Variants in CXCL13 observed in about 807,000 individuals in gnomAD.
CXCL13 encodes C-X-C motif chemokine 13.
CXCL13 carries 7 observed loss-of-function variants against 12.2 expected under a neutral mutation model. The observed-to-expected ratio is 0.57, with a 90% confidence interval of 0.33 to 1.07. CXCL13 has a LOEUF of 1.07. Among genes scored for constraint, CXCL13 ranks in the 50% least tolerant of loss-of-function variants. The pLI is 0.04. For missense variants in CXCL13, 113 were observed against 127.4 expected (o/e 0.89, Z 0.55); for synonymous variants, 47 against 42.4 (o/e 1.11, Z -0.42).
chr4:77,547,889 G>T (rs568051499), intron 1 of CXCL13, among the ~76,000 whole-genome samples: 65 of 152,154 alleles, frequency 4.3e-4, no homozygotes, highest in Non-Finnish European at 8.1e-4. Context: ...CCTTTCCATG[G>T]TTAGTGCTTC....
chr4:77,599,043 A>C (rs185397559), intron 1 of CXCL13, among the ~76,000 whole-genome samples: 1 of 152,264 alleles, frequency 6.6e-6, no homozygotes, highest in Admixed American at 6.5e-5. Flanking sequence ...TCCTGACCTC[A>C]GGTGATCCAC....
In CXCL13 at chr4:77,591,449, G is replaced by A. The variant is rs1005104893; in HGVS notation, c.-42-14375G>A. Among the ~76,000 whole-genome samples the A allele has an allele frequency of 2.0e-5, 3 of 150,976 alleles. No homozygotes were observed. The East Asian group carries it at 5.9e-4, about 29-fold the overall frequency. ...ACCAGTAGTCCCAGCTACTCGGGAG[G>A]CTGAGGCAGGAGAATGGCCTGAACT... On this transcript the variant is annotated intron_variant, in intron 1 of 4. Coordinates refer to the CXCL13 transcript ENST00000286758.
At chr4:77,545,625 T>G (rs1045466103) in intron 1 of CXCL13, among the ~76,000 whole-genome samples, 3 of 152,222 alleles carry the variant, frequency 2.0e-5, no homozygotes, top group Admixed American at 6.5e-5. Context: ...TGAAGTTGCT[T>G]ATCAGCTTAA....
intron 1 of CXCL13, among the ~76,000 whole-genome samples, chr4:77,557,932 C>T (rs1384342333): frequency 6.6e-6 from 1 of 152,214 alleles, no homozygotes; most frequent in Non-Finnish European, 1.5e-5. Flanking sequence ...ATTTACCTTA[C>T]TGAGTGTGAG....
At chr4:77,566,029 C>T (rs1725918410) in intron 1 of CXCL13, among the ~76,000 whole-genome samples, 2 of 152,194 alleles carry the variant, frequency 1.3e-5, no homozygotes, top group Non-Finnish European at 1.5e-5. Flanking sequence ...CTCACATGCT[C>T]TTCAAAATCT....
intron 1 of CXCL13, among the ~76,000 whole-genome samples, chr4:77,514,738 T>G (rs1325021376): frequency 2.0e-5 from 3 of 152,230 alleles, no homozygotes; most frequent in African/African-American, 7.2e-5. Context: ...TGCGAAAATT[T>G]TCTCCCATTT....
chr4:77,571,961 G>T (rs748487496), intron 1 of CXCL13, among the ~76,000 whole-genome samples: 13 of 151,404 alleles, frequency 8.6e-5, no homozygotes, highest in Non-Finnish European at 1.6e-4. Context: ...CACTGCGAAG[G>T]TCTGCAGCTT....
intron 1 of CXCL13, among the ~76,000 whole-genome samples, chr4:77,520,633 T>C (rs1026989270): frequency 1.3e-5 from 2 of 152,194 alleles, no homozygotes; most frequent in African/African-American, 4.8e-5. Flanking sequence ...AATGGGGTTT[T>C]CTAAATATAC....
At chr4:77,596,475 A>T (rs2109833483) in intron 1 of CXCL13, among the ~76,000 whole-genome samples, 1 of 152,254 alleles carries the variant, frequency 6.6e-6, no homozygotes. Flanking sequence ...CTGTGTATAC[A>T]CCCAAACAAA....
chr4:77,573,362 TTGTGTGTGTGTGTG>T (rs3048191), intron 1 of CXCL13, among the ~76,000 whole-genome samples: 1,736 of 134,974 alleles, frequency 0.013, 17 homozygotes, highest in Non-Finnish European at 0.017. Flanking sequence ...ATTGGGTCTT[TTGTGTGTGTGTGTG>T]TGTGTGTGTG....
At chr4:77,513,210 T>C (rs1339210009) in intron 1 of CXCL13, among the ~76,000 whole-genome samples, 2 of 152,146 alleles carry the variant, frequency 1.3e-5, no homozygotes, top group East Asian at 3.9e-4. Context: ...TTTGGGTCGG[T>C]TCCAAGTCTT....
At chr4:77,547,808 A>G (rs1428885961) in intron 1 of CXCL13, among the ~76,000 whole-genome samples, 1 of 152,158 alleles carries the variant, frequency 6.6e-6, no homozygotes, top group African/African-American at 2.4e-5. Context: ...TCATCAGTTG[A>G]TGCAGTTTCT....
At chr4:77,534,781 G>A (rs1359541951) in intron 1 of CXCL13, among the ~76,000 whole-genome samples, 1 of 152,180 alleles carries the variant, frequency 6.6e-6, no homozygotes, top group Non-Finnish European at 1.5e-5. Context: ...CCTGCAAAAT[G>A]TTGGGGTTGG....
At chr4:77,553,505 C>T (rs564072570) in intron 1 of CXCL13, among the ~76,000 whole-genome samples, 1 of 152,356 alleles carries the variant, frequency 6.6e-6, no homozygotes, top group South Asian at 2.1e-4. Flanking sequence ...GCTCCAGGGC[C>T]TGGGAAAACA....
intron 1 of CXCL13, among the ~76,000 whole-genome samples, chr4:77,577,504 A>G (rs747640933): frequency 2.6e-5 from 4 of 152,192 alleles, no homozygotes; most frequent in Non-Finnish European, 4.4e-5. Flanking sequence ...ATTCCTGCCA[A>G]TTAAGCCAAG....
intron 1 of CXCL13, among the ~76,000 whole-genome samples, chr4:77,572,698 C>T (rs139412704): frequency 5.0e-4 from 76 of 151,988 alleles, no homozygotes; most frequent in African/African-American, 1.6e-3. Context: ...GACTTAAAAA[C>T]AGAGATACCA....
At chr4:77,578,773 A>G (rs1183401540) in intron 1 of CXCL13, among the ~76,000 whole-genome samples, 1 of 152,180 alleles carries the variant, frequency 6.6e-6, no homozygotes, top group Non-Finnish European at 1.5e-5. Context: ...TTTTAGCTGA[A>G]CTAAGGAGCA....
intron 1 of CXCL13, among the ~76,000 whole-genome samples, chr4:77,544,402 G>A (rs1201344959): frequency 2.6e-5 from 4 of 152,100 alleles, no homozygotes; most frequent in Non-Finnish European, 5.9e-5. Flanking sequence ...ATCCTCTCCA[G>A]CACCTGCTGT....
intron 1 of CXCL13, among the ~76,000 whole-genome samples, chr4:77,521,170 A>G (rs1432713998): frequency 2.6e-5 from 4 of 152,190 alleles, no homozygotes; most frequent in Non-Finnish European, 5.9e-5. Flanking sequence ...ATATTGGACT[A>G]AAATTCTCTT....
Sources: gnomAD v4.1 joint callset for allele counts (sites outside exome capture counted in the v4.1 genomes callset) on GRCh38, gnomAD v4.1.1 for gene constraint, MANE v1.5 for transcripts, NCBI Gene and HGNC (gene_info 2026-07-23, HGNC 2026-07-21) for gene names.